The following G3BP2 variants were observed in gnomAD, a reference collection of about 807,000 sequenced individuals.
G3BP2 encodes G3BP stress granule assembly factor 2.
G3BP2 carries 11 observed loss-of-function variants against 56.7 expected under a neutral mutation model. The observed-to-expected ratio is 0.19, with a 90% CI of 0.12 to 0.32. The LOEUF (loss-of-function observed/expected upper bound fraction) is 0.32. G3BP2 is among the 10% of genes least tolerant of loss of function. The pLI, the probability that G3BP2 is intolerant of heterozygous loss-of-function variation, is 1.00. For synonymous variants in G3BP2, 165 were observed against 191.6 expected (o/e 0.86, Z 1.15); for missense variants, 340 against 610.9 (o/e 0.56, Z 4.67).
chr4:75,671,245 A>G (rs1295759806), intron 1 of G3BP2, among the ~76,000 whole-genome samples: 2 of 152,218 alleles, frequency 1.3e-5, no homozygotes, highest in African/African-American at 2.4e-5. Context: ...TTCAAAATCA[A>G]CATTGAAAAG....
chr4:75,686,480 G>A (rs539859049), intron 3 of G3BP2, among the ~76,000 whole-genome samples: 1 of 150,016 alleles, frequency 6.7e-6, no homozygotes, highest in East Asian at 2.0e-4. Flanking sequence ...GTGGTGGGTG[G>A]TGTAAGAATG....
rs1480509432 is a variant in G3BP2, at chr4:75,658,878, T to C, written c.142A>G (p.Ser48Gly). The change falls in exon 3 of 12, where the codon AGT becomes GGT. Residue 48 changes from serine to glycine, a missense_variant. This residue lies in a region of G3BP2 where 21 missense variants were observed against 83.7 expected (regional missense o/e 0.25). Transcript: ENST00000359707. ...SSYVHGGVDA[S>G]GKPQEAVYGQ... ...TAAACAGCTTCCTGGGGCTTTCCAC[T>C]AGCATCTACTCCACCATGAACATAG... 7 of 1,612,844 alleles carry C rather than the reference T, an allele frequency of 4.3e-6. No individual in the cohort carries two copies. The highest frequency in any genetic ancestry group is 3.3e-5 in the South Asian group (3 of 91,066).
chr4:75,702,424 T>C (rs1010452665), intron 3 of G3BP2, among the ~76,000 whole-genome samples: 5 of 152,178 alleles, frequency 3.3e-5, no homozygotes, highest in Non-Finnish European at 7.3e-5. Flanking sequence ...ATTACAGGCG[T>C]GAGCCACCAC....
chr4:75,664,842 C>G (rs1366038562), intron 1 of G3BP2, among the ~76,000 whole-genome samples: 2 of 151,984 alleles, frequency 1.3e-5, no homozygotes, highest in Non-Finnish European at 2.9e-5. Flanking sequence ...GAGTAAGACT[C>G]TGTCTCAAAA....
chr4:75,704,714 C>A (rs6846478), intron 3 of G3BP2, among the ~76,000 whole-genome samples: 24 of 152,102 alleles, frequency 1.6e-4, no homozygotes, highest in Non-Finnish European at 2.9e-4. Context: ...CTAACGGCAA[C>A]CTCCACCTCC....
intron 1 of G3BP2, among the ~76,000 whole-genome samples, chr4:75,668,813 C>A (rs1456677896): frequency 6.6e-6 from 1 of 152,182 alleles, no homozygotes; most frequent in Non-Finnish European, 1.5e-5. Context: ...TCTACTCCTA[C>A]TGAATTCCTC....
At chr4:75,646,600 G>T (rs1731223836) in intron 10 of G3BP2, 144 bp from the exon 11 acceptor site, 3 of 631,720 alleles carry the variant, frequency 4.7e-6, no homozygotes, top group Non-Finnish European at 8.5e-6. Flanking sequence ...GATAGCCAAG[G>T]TACGTTTACT....
intron 3 of G3BP2, among the ~76,000 whole-genome samples, chr4:75,718,118 G>A (rs1325214834): frequency 6.7e-6 from 1 of 148,366 alleles, no homozygotes; most frequent in African/African-American, 2.6e-5. Context: ...CCTGGAGACA[G>A]AATGAGACTC....
At chr4:75,695,460 C>G (rs1411236900) in intron 3 of G3BP2, among the ~76,000 whole-genome samples, 1 of 152,144 alleles carries the variant, frequency 6.6e-6, no homozygotes, top group Non-Finnish European at 1.5e-5. Context: ...CAAAGTCAAC[C>G]TGGACCTCCC....
intron 1 of G3BP2, among the ~76,000 whole-genome samples, chr4:75,664,929 G>A (rs892866235): frequency 2.6e-5 from 4 of 152,066 alleles, no homozygotes; most frequent in Non-Finnish European, 5.9e-5. Flanking sequence ...GGTGGAGGTG[G>A]CAGGAAAGCT....
chr4:75,686,243 A>C (rs1718593400), intron 3 of G3BP2, among the ~76,000 whole-genome samples: 1 of 152,200 alleles, frequency 6.6e-6, no homozygotes, highest in Admixed American at 6.5e-5. Context: ...GTAAAAGAAA[A>C]ACAAAAAGAT....
chr4:75,704,288 A>T (rs1719458805), intron 3 of G3BP2, among the ~76,000 whole-genome samples: 1 of 151,922 alleles, frequency 6.6e-6, no homozygotes, highest in Non-Finnish European at 1.5e-5. Flanking sequence ...AAGTGCTGGG[A>T]TTACAGGCGT....
chr4:75,645,604 C>T lies in G3BP2; in HGVS notation c.1275G>A (p.Arg425=). ...GACCTCGATCATTGCGCCTAATATC[C>T]CTGCGATCATCACCACCACCTCTGG... The part of the protein sequence containing the change: ...RETRGGGDDR[R]DIRRNDRGPG... The change falls in exon 12 of 12, where the codon AGG becomes AGA. Residue 425 remains arginine (R), a synonymous_variant. Transcript: ENST00000359707. 3.1e-6 allele frequency: 5 copies of T among 1,613,966 alleles called. No individual in the cohort carries two copies. Among genetic ancestry groups the T allele is most frequent in the Non-Finnish European group, 4.2e-6 (5 of 1,179,984 alleles).
At chr4:75,715,565 A>G (rs554479715) in intron 3 of G3BP2, among the ~76,000 whole-genome samples, 3 of 152,156 alleles carry the variant, frequency 2.0e-5, no homozygotes, top group Non-Finnish European at 4.4e-5. Flanking sequence ...AAGAAGGACC[A>G]TCCTTCCCAG....
rs6148524 is a variant in G3BP2, at chr4:75,643,295, TTATATATATATA to T, written c.*2123_*2134del. 1 of 99,942 alleles carries T rather than the reference TTATATATATATA, an allele frequency of 1.0e-5. No homozygotes were observed. The highest frequency in any genetic ancestry group is 2.2e-5 in the Non-Finnish European group (1 of 46,322). 6.2% of individuals were successfully genotyped at this position (99,942 alleles called of 1,614,324 possible). On this transcript the variant is annotated 3_prime_UTR_variant, in exon 12 of 12. Transcript: ENST00000359707. ...GCAGGGCAATATCCTGAATTGGAAA[TTATATATATATA>T]TATATATATGGAAACAGAAATACAA...
chr4:75,678,852 C>T (rs566340349), intron 3 of G3BP2, among the ~76,000 whole-genome samples: 10 of 152,258 alleles, frequency 6.6e-5, no homozygotes, highest in African/African-American at 2.2e-4. Context: ...ACATGTAAAA[C>T]ATTTTAACAG....
chr4:75,657,859 C>T (rs1560617444), intron 3 of G3BP2, 129 bp from the exon 4 acceptor site: 6 of 603,474 alleles, frequency 9.9e-6, no homozygotes, highest in Non-Finnish European at 1.7e-5. Flanking sequence ...CTGAATCCAA[C>T]GACCATGCTG....
At chr4:75,665,644 AACACACAAACAAAC>A (rs1732971073) in intron 1 of G3BP2, among the ~76,000 whole-genome samples, 1 of 27,474 alleles carries the variant, frequency 3.6e-5, no homozygotes, top group South Asian at 2.1e-3. Context: ...CACACACACA[AACACACAAACAAAC>A]ACACACACAC....
At chr4:75,647,741 G>C (rs982045219) in intron 9 of G3BP2, among the ~76,000 whole-genome samples, 1 of 152,166 alleles carries the variant, frequency 6.6e-6, no homozygotes. Context: ...CAGAATTTAA[G>C]GGTTTCACTC....
Sources: allele counts gnomAD v4.1 joint callset (sites outside exome capture counted in the v4.1 genomes callset), GRCh38; gene constraint gnomAD v4.1.1; regional missense constraint gnomAD v4.1.1; transcripts MANE v1.5; gene names NCBI Gene and HGNC (gene_info 2026-07-23, HGNC 2026-07-21).